Variants in TSPO observed in about 807,000 individuals in gnomAD.
TSPO encodes the protein benzodiazepine peripheral binding site.
TSPO carries 14 observed loss-of-function variants against 13.9 expected under a neutral mutation model. That is an observed-to-expected ratio of 1.01 (90% CI 0.67 to 1.58). TSPO has a LOEUF of 1.58. Among genes scored for constraint, TSPO ranks in the 40% most tolerant of loss-of-function variants. The probability of loss-of-function intolerance (pLI) is 0.00; values close to 1 mark genes in which losing one functional copy is unlikely to be tolerated. For missense variants in TSPO, 232 were observed against 229.6 expected, an observed-to-expected ratio of 1.01 and a Z score of -0.07; for synonymous variants, 114 against 105.9, an observed-to-expected ratio of 1.08 and a Z score of -0.47.
At chr22:43,158,831 AGTGAAAG>A (rs1931337277) in intron 1 of TSPO, among the ~76,000 whole-genome samples, 1 of 152,140 alleles carries the variant, frequency 6.6e-6, no homozygotes, top group East Asian at 1.9e-4. Context: ...TGAGTGAGTG[AGTGAAAG>A]GTGAATGTGA....
At chr22:43,155,536 C>T (rs894427827) in intron 1 of TSPO, among the ~76,000 whole-genome samples, 3 of 152,230 alleles carry the variant, frequency 2.0e-5, no homozygotes, top group African/African-American at 4.8e-5. Context: ...AGCCTTGAGG[C>T]CCTGTCTTCC....
At chr22:43,160,247 A>G (rs1323803721) in intron 2 of TSPO, among the ~76,000 whole-genome samples, 4 of 151,610 alleles carry the variant, frequency 2.6e-5, no homozygotes, top group Admixed American at 2.6e-4. Flanking sequence ...GCCTTCCTAC[A>G]CCACCCAGTC....
chr22:43,162,932 A>G lies in TSPO; in HGVS notation c.451A>G (p.Asn151Asp). The change falls in exon 4 of 4, where the codon AAC becomes GAC. Residue 151 changes from asparagine (N) to aspartate (D), a missense_variant. Transcript: ENST00000337554. ...LAWLAFTTTL[N>D]YCVWRDNHGW... ...CTGGCTGGCCTTCACGACCACACTC[A>G]ACTACTGCGTATGGCGGGACAACCA... is the stretch of plus-strand genomic sequence containing the variant. 1.3e-6 allele frequency: 2 copies of G among 1,599,382 alleles called. No homozygotes were observed.
chr22:43,159,182 C>T, intron 1 of TSPO, 28 bp from the exon 2 acceptor site: 1 of 1,445,466 alleles, frequency 6.9e-7, no homozygotes, highest in East Asian at 2.6e-5. Flanking sequence ...TCAGGAATGC[C>T]CTCACCCAGC....
At chr22:43,156,638 T>C (rs566735280) in intron 1 of TSPO, among the ~76,000 whole-genome samples, 3 of 152,276 alleles carry the variant, frequency 2.0e-5, no homozygotes, top group East Asian at 1.9e-4. Context: ...TTGCACAACA[T>C]TGGGAATATA....
At chr22:43,154,316 A>C (rs1474333265) in intron 1 of TSPO, among the ~76,000 whole-genome samples, 1 of 151,812 alleles carries the variant, frequency 6.6e-6, no homozygotes, top group Non-Finnish European at 1.5e-5. Context: ...CACATTCCTT[A>C]TTGTGTTTCT....
chr22:43,162,927 C>G lies in TSPO; in HGVS notation c.446C>G (p.Thr149Arg). The G allele has an allele frequency of 1.3e-6, 2 of 1,598,146 alleles. No homozygotes were observed. Among genetic ancestry groups the G allele is most frequent in the South Asian group, 2.3e-5 (2 of 88,462 alleles). Reference sequence around the variant, plus strand: ...CTGGCCTGGCTGGCCTTCACGACCACACTCAACTACTGCGTATGGCGGGAC... The same window carrying G: ...CTGGCCTGGCTGGCCTTCACGACCAGACTCAACTACTGCGTATGGCGGGAC... Reference protein sequence around the residue: ...PYLAWLAFTTTLNYCVWRDNH... With the variant: ...PYLAWLAFTTRLNYCVWRDNH... Residue 149 changes from threonine (T) to arginine (R), a missense_variant, in exon 4 of 4, where the codon ACA becomes AGA. Coordinates refer to ENST00000337554, the MANE Select transcript of TSPO (RefSeq NM_000714.6).
At chr22:43,159,467 G>A (rs1014231414) in intron 2 of TSPO, 47 bp downstream of exon 2, 14 of 1,399,248 alleles carry the variant, frequency 1.0e-5, no homozygotes, top group African/African-American at 1.5e-5. Flanking sequence ...CCCTTTGCAA[G>A]GGGAGGCCTG....
chr22:43,159,311 T>C lies in TSPO; in HGVS notation c.73T>C (p.Phe25Leu). 1.9e-6 allele frequency: 3 copies of C among 1,550,766 alleles called. No homozygotes were observed. The highest frequency in any genetic ancestry group is 2.6e-6 in the Non-Finnish European group (3 of 1,147,496). Reference sequence around the variant, plus strand: ...CCTGGGGTGCTTCGTGGGCTCCCGCTTTGTCCACGGCGAGGGTCTCCGCTG... The same window carrying C: ...CCTGGGGTGCTTCGTGGGCTCCCGCCTTGTCCACGGCGAGGGTCTCCGCTG... ...PSLGCFVGSR[F>L]VHGEGLRWYA... is the part of the protein sequence containing the mutation. Residue 25 changes from phenylalanine (F) to leucine (L), a missense_variant, in exon 2 of 4, where the codon TTT becomes CTT. By Grantham distance (22) the Phe-to-Leu change is conservative. Transcript: ENST00000337554.
chr22:43,160,962 C>G (rs1601759287), intron 2 of TSPO, 90 bp from the exon 3 acceptor site: 1 of 1,470,172 alleles, frequency 6.8e-7, no homozygotes, highest in Non-Finnish European at 9.2e-7. Flanking sequence ...AGTGTCAGGT[C>G]ACGTATGAAC....
In TSPO at chr22:43,159,275, C is replaced by G. The variant is rs1931353498; in HGVS notation, c.37C>G (p.Leu13Val). The G allele has an allele frequency of 6.4e-7, 1 of 1,557,960 alleles. No homozygotes were observed. Among genetic ancestry groups the G allele is most frequent in the Admixed American group, 1.9e-5 (1 of 52,216 alleles). ...PPWVPAMGFT[L>V]APSLGCFVGS... ...CTGGGTGCCCGCCATGGGCTTCACG[C>G]TGGCGCCCAGCCTGGGGTGCTTCGT... The change falls in exon 2 of 4, where the codon CTG becomes GTG. Residue 13 changes from leucine to valine, a missense_variant. Physicochemically the swap from Leu to Val is conservative, Grantham distance 32 (BLOSUM62 1). Coordinates refer to ENST00000337554, the MANE Select transcript of TSPO (RefSeq NM_000714.6).
In TSPO at chr22:43,163,047, T is replaced by C. The variant is rs868062405; in HGVS notation, c.*56T>C. The C allele has an allele frequency of 1.1e-5, 18 of 1,566,798 alleles. No individual in the cohort carries two copies. Among genetic ancestry groups the C allele is most frequent in the Middle Eastern group, 3.4e-4 (2 of 5,884 alleles). Reference sequence around the variant, plus strand: ...CCAGCAGGTGCCATCACGCTTGTGATGTGGTGGCCGTCACGCTTTCATGAC... The same window carrying C: ...CCAGCAGGTGCCATCACGCTTGTGACGTGGTGGCCGTCACGCTTTCATGAC... On this transcript the variant is annotated 3_prime_UTR_variant, in exon 4 of 4. Coordinates refer to ENST00000337554, the MANE Select transcript of TSPO (RefSeq NM_000714.6).
intron 3 of TSPO, among the ~76,000 whole-genome samples, chr22:43,161,496 T>C (rs1291025759): frequency 6.6e-6 from 1 of 151,734 alleles, no homozygotes; most frequent in Non-Finnish European, 1.5e-5. Flanking sequence ...GCTTCTTCTT[T>C]TTTTTTTTTG....
At chr22:43,155,663 C>G (rs138356077) in intron 1 of TSPO, among the ~76,000 whole-genome samples, 1 of 152,202 alleles carries the variant, frequency 6.6e-6, no homozygotes, top group Admixed American at 6.5e-5. Flanking sequence ...CCCCAGCCCC[C>G]CAAGAAGCAG....
intron 1 of TSPO, among the ~76,000 whole-genome samples, chr22:43,157,977 G>A (rs1270757913): frequency 6.6e-6 from 1 of 152,176 alleles, no homozygotes; most frequent in Non-Finnish European, 1.5e-5. Flanking sequence ...TGGTTTGTGG[G>A]GGGCCAGTCT....
chr22:43,157,271 A>AGGGCGGGGCAGGAGGGAG (rs1931280034), intron 1 of TSPO, among the ~76,000 whole-genome samples: 1 of 48,510 alleles, frequency 2.1e-5, no homozygotes, highest in African/African-American at 4.4e-5. Context: ...TGGAAGCTGG[A>AGGGCGGGGCAGGAGGGAG]GGGCGGGGCA....
Position 43,159,292 on chromosome 22 carries a change from G to C in TSPO, c.54G>C (p.Gly18=). 2 of 1,553,672 alleles carry C rather than the reference G, an allele frequency of 1.3e-6. No homozygotes were observed. The highest frequency in any genetic ancestry group is 1.7e-6 in the Non-Finnish European group (2 of 1,149,108). The change falls in exon 2 of 4, where the codon GGG becomes GGC. Residue 18 remains glycine (G), a synonymous_variant. Transcript: ENST00000337554. ...GCTTCACGCTGGCGCCCAGCCTGGG[G>C]TGCTTCGTGGGCTCCCGCTTTGTCC... ...AMGFTLAPSL[G]CFVGSRFVHG... is the part of the protein sequence containing the mutation.
At chr22:43,156,492 G>A (rs9333323) in intron 1 of TSPO, among the ~76,000 whole-genome samples, 2 of 149,874 alleles carry the variant, frequency 1.3e-5, no homozygotes, top group Non-Finnish European at 3.0e-5. Context: ...CAAATGTCCA[G>A]GATGGGCAAG....
intron 1 of TSPO, among the ~76,000 whole-genome samples, chr22:43,155,932 C>T (rs1211865905): frequency 6.6e-6 from 1 of 152,230 alleles, no homozygotes; most frequent in African/African-American, 2.4e-5. Flanking sequence ...CAGCATGACT[C>T]ATCATGGTGG....
Sources: gnomAD v4.1 joint callset for allele counts (sites outside exome capture counted in the v4.1 genomes callset) on GRCh38, gnomAD v4.1.1 for gene constraint, MANE v1.5 for transcripts, NCBI Gene and HGNC (gene_info 2026-07-23, HGNC 2026-07-21) for gene names.